The following RBFOX2 variants were observed in gnomAD, a reference collection of about 807,000 sequenced individuals.
RBFOX2 encodes RNA binding protein fox-1 homolog 2.
In RBFOX2, 10 loss-of-function variants were observed where a neutral mutation model predicts 49.1. The observed-to-expected ratio is 0.20, with a 90% CI of 0.13 to 0.35. The LOEUF (loss-of-function observed/expected upper bound fraction) is 0.35, where lower values mean the gene tolerates loss of function less well. RBFOX2 is among the 10% of genes least tolerant of loss of function. The pLI, the probability that RBFOX2 is intolerant of heterozygous loss-of-function variation, is 1.00. For synonymous variants in RBFOX2, 183 were observed against 187.4 expected, an observed-to-expected ratio of 0.98 and a Z score of 0.19; for missense variants, 323 against 486.9, an observed-to-expected ratio of 0.66 and a Z score of 3.17.
At chr22:35,867,037 G>GA (rs1345386586) in intron 1 of RBFOX2, among the ~76,000 whole-genome samples, 1 of 152,020 alleles carries the variant, frequency 6.6e-6, no homozygotes, top group Non-Finnish European at 1.5e-5. Context: ...AAATAAATAT[G>GA]AAATTATCTA....
intron 1 of RBFOX2, among the ~76,000 whole-genome samples, chr22:36,003,519 G>C (rs1357045059): frequency 1.3e-5 from 2 of 152,180 alleles, no homozygotes; most frequent in Non-Finnish European, 2.9e-5. Flanking sequence ...TGACAGTACT[G>C]GGTACCTCTA....
chr22:35,980,262 T>TG (rs150627457), intron 1 of RBFOX2, among the ~76,000 whole-genome samples: 6,815 of 152,186 alleles, frequency 0.045, 500 homozygotes, highest in African/African-American at 0.16. Context: ...GGAAAAAGAA[T>TG]GGGGGGAATC....
chr22:35,960,696 G>A (rs1299003686), intron 1 of RBFOX2, among the ~76,000 whole-genome samples: 5 of 152,262 alleles, frequency 3.3e-5, no homozygotes, highest in Non-Finnish European at 7.4e-5. Flanking sequence ...CACCATTTGA[G>A]CACAGATTTG....
intron 1 of RBFOX2, among the ~76,000 whole-genome samples, chr22:35,888,591 G>C (rs2046881384): frequency 1.3e-5 from 2 of 152,160 alleles, no homozygotes; most frequent in Admixed American, 6.5e-5. Context: ...ACTGGCACCT[G>C]CATCTGGTGA....
chr22:35,862,570 C>G (rs2043219081), intron 1 of RBFOX2, among the ~76,000 whole-genome samples: 1 of 152,134 alleles, frequency 6.6e-6, no homozygotes, highest in Non-Finnish European at 1.5e-5. Context: ...TCGTTTCTGT[C>G]TCTCCCACTT....
chr22:35,764,390 C>G (rs1940167594), intron 6 of RBFOX2, among the ~76,000 whole-genome samples: 1 of 151,988 alleles, frequency 6.6e-6, no homozygotes, highest in Non-Finnish European at 1.5e-5. Context: ...TGAGACCATC[C>G]TGGCTAACAC....
At chr22:35,768,927 T>G (rs2146654310) in intron 4 of RBFOX2, among the ~76,000 whole-genome samples, 1 of 152,308 alleles carries the variant, frequency 6.6e-6, no homozygotes, top group South Asian at 2.1e-4. Context: ...ACAGGATAAC[T>G]TAGGGCATAG....
chr22:35,947,826 T>C (rs963825982), intron 1 of RBFOX2, among the ~76,000 whole-genome samples: 4 of 152,054 alleles, frequency 2.6e-5, no homozygotes, highest in Non-Finnish European at 5.9e-5. Flanking sequence ...AAAAAAATTT[T>C]AAAGTTTATA....
chr22:35,977,220 C>G (rs546574396), intron 1 of RBFOX2, among the ~76,000 whole-genome samples: 1 of 152,116 alleles, frequency 6.6e-6, no homozygotes, highest in South Asian at 2.1e-4. Context: ...TAGATATATT[C>G]ATTGCTGACA....
chr22:36,022,247 T>C (rs1156629866), intron 1 of RBFOX2, among the ~76,000 whole-genome samples: 1 of 152,226 alleles, frequency 6.6e-6, no homozygotes, highest in East Asian at 1.9e-4. Context: ...TTATACAAAG[T>C]AGCATAACTC....
chr22:35,934,048 C>A (rs1484749023), intron 1 of RBFOX2, among the ~76,000 whole-genome samples: 1 of 149,492 alleles, frequency 6.7e-6, no homozygotes, highest in Admixed American at 6.7e-5. Context: ...AACTTAGGCT[C>A]AAATTAGATG....
In RBFOX2 at chr22:35,954,558, G is replaced by A. The variant is rs577889787; in HGVS notation, c.42+7005C>T. Reference sequence around the variant, plus strand: ...TGCCCAGCTTTCTTACCAGGGCCAGGGTTAACTACCTAAAACACCACTCAT... The same window carrying A: ...TGCCCAGCTTTCTTACCAGGGCCAGAGTTAACTACCTAAAACACCACTCAT... On this transcript the variant is annotated intron_variant, in intron 1 of 5. Transcript: ENST00000408983. 1.2e-4 allele frequency among the ~76,000 whole-genome samples: 18 copies of A among 152,210 alleles called. 1 individual carries two copies. In the South Asian group the frequency reaches 3.5e-3, roughly 30 times the overall value.
Position 35,961,325 on chromosome 22 carries a change from T to C in RBFOX2, c.42+238A>G, listed in dbSNP as rs577959164. On this transcript the variant is annotated intron_variant, in intron 1 of 5. Transcript: ENST00000408983. ...ATACAACTATAAAAAGATATTACAT[T>C]GCTACATCTAGATGAGCTCCTTTGT... 5.9e-5 allele frequency among the ~76,000 whole-genome samples: 9 copies of C among 152,352 alleles called. 1 individual carries two copies. Among genetic ancestry groups the C allele is most frequent in the African/African-American group, 2.2e-4 (9 of 41,590 alleles).
chr22:35,887,195 C>T (rs1398963669), intron 1 of RBFOX2, among the ~76,000 whole-genome samples: 2 of 151,918 alleles, frequency 1.3e-5, no homozygotes, highest in East Asian at 3.8e-4. Context: ...GGCGGCTTTC[C>T]TAAATAACTG....
At chr22:35,928,651 T>C (rs2051975749) in intron 1 of RBFOX2, among the ~76,000 whole-genome samples, 2 of 152,298 alleles carry the variant, frequency 1.3e-5, no homozygotes, top group South Asian at 2.1e-4. Flanking sequence ...AGGACGAAGA[T>C]ACATATTACA....
chr22:35,802,651 T>G (rs1174454157), intron 2 of RBFOX2, among the ~76,000 whole-genome samples: 1 of 152,062 alleles, frequency 6.6e-6, no homozygotes, highest in Non-Finnish European at 1.5e-5. Context: ...CTCTGACAGC[T>G]AAAAGGGGCC....
At chr22:35,884,687 T>C (rs569622062) in intron 1 of RBFOX2, among the ~76,000 whole-genome samples, 1 of 152,302 alleles carries the variant, frequency 6.6e-6, no homozygotes, top group South Asian at 2.1e-4. Flanking sequence ...TTTTCCATAT[T>C]CTATGCATTC....
intron 3 of RBFOX2, among the ~76,000 whole-genome samples, chr22:35,779,306 T>C (rs1944608574): frequency 6.6e-6 from 1 of 152,150 alleles, no homozygotes; most frequent in African/African-American, 2.4e-5. Context: ...AGTATTGGAG[T>C]CATACCTGAT....
intron 1 of RBFOX2, among the ~76,000 whole-genome samples, chr22:35,894,769 A>G (rs1414182150): frequency 1.3e-5 from 2 of 151,908 alleles, no homozygotes; most frequent in Non-Finnish European, 2.9e-5. Context: ...TCCACTCCTT[A>G]TATGTGCAAG....
Sources: gnomAD v4.1 joint callset for allele counts (sites outside exome capture counted in the v4.1 genomes callset) on GRCh38, gnomAD v4.1.1 for gene constraint, MANE v1.5 for transcripts, NCBI Gene and HGNC (gene_info 2026-07-23, HGNC 2026-07-21) for gene names.